KCTD1: variants seen among roughly 807,000 people sequenced by gnomAD.
KCTD1 encodes the protein BTB/POZ domain-containing protein KCTD1.
In KCTD1, 24 loss-of-function variants were observed where a neutral mutation model predicts 66.0. That is an observed-to-expected ratio of 0.36 (90% confidence interval 0.26 to 0.51). The LOEUF (loss-of-function observed/expected upper bound fraction) is 0.51, where lower values mean the gene tolerates loss of function less well. KCTD1 is among the 20% of genes least tolerant of loss of function. The pLI, the probability that KCTD1 is intolerant of heterozygous loss-of-function variation, is 0.95. For missense variants in KCTD1, 943 were observed against 1,205.2 expected (o/e 0.78, Z 3.22); for synonymous variants, 511 against 517.2 (o/e 0.99, Z 0.16).
intron 1 of KCTD1, among the ~76,000 whole-genome samples, chr18:26,622,490 A>G (rs1009102478): frequency 2.9e-4 from 44 of 152,228 alleles, no homozygotes; most frequent in Admixed American, 2.4e-3. Context: ...CCTACACCCA[A>G]CCCTGGAGTC....
intron 1 of KCTD1, among the ~76,000 whole-genome samples, chr18:26,510,768 A>G (rs1229766231): frequency 1.3e-5 from 2 of 152,260 alleles, no homozygotes; most frequent in African/African-American, 4.8e-5. Context: ...AAATACACTT[A>G]AAACACTAGA....
intron 1 of KCTD1, among the ~76,000 whole-genome samples, chr18:26,638,816 T>C (rs1291878662): frequency 1.3e-5 from 2 of 152,252 alleles, no homozygotes; most frequent in African/African-American, 4.8e-5. Context: ...TCATTTTGCA[T>C]AATATTATTG....
At chr18:26,504,987 C>T (rs1023255209) in intron 1 of KCTD1, among the ~76,000 whole-genome samples, 5 of 152,238 alleles carry the variant, frequency 3.3e-5, no homozygotes, top group Admixed American at 6.5e-5. Flanking sequence ...GCCAGGTCCT[C>T]GCTGACATTG....
At chr18:26,561,897 G>C (rs1985860286) in intron 1 of KCTD1, among the ~76,000 whole-genome samples, 2 of 152,120 alleles carry the variant, frequency 1.3e-5, no homozygotes, top group South Asian at 4.2e-4. Context: ...GAGGGCCTGG[G>C]GCTGCTCTGT....
chr18:26,653,237 T>G lies in KCTD1; in HGVS notation c.9+4123A>C, dbSNP rs117246160. On this transcript the variant is annotated intron_variant, in intron 1 of 4. Coordinates refer to the KCTD1 transcript ENST00000580191. ...CAGGTGCCTGTCCCTGCAGTCTGCATCACTGCTTCCTCCGTCTCTTACTCC... is the reference window on the plus strand; with the variant it reads ...CAGGTGCCTGTCCCTGCAGTCTGCAGCACTGCTTCCTCCGTCTCTTACTCC... Among the ~76,000 whole-genome samples, 327 of 152,364 alleles carry G rather than the reference T, an allele frequency of 2.1e-3. 2 individuals carry two copies. The highest frequency in any genetic ancestry group is 2.6e-3 in the Non-Finnish European group (180 of 68,036).
chr18:26,568,607 G>A (rs745377258), intron 1 of KCTD1, among the ~76,000 whole-genome samples: 51 of 152,080 alleles, frequency 3.4e-4, no homozygotes, highest in Non-Finnish European at 6.3e-4. Context: ...TGTGTAGACA[G>A]TCATTTATAT....
At chr18:26,581,103 T>C (rs1986343354) in intron 1 of KCTD1, 1 of 152,216 alleles carries the variant, frequency 6.6e-6, no homozygotes, top group African/African-American at 2.4e-5. Flanking sequence ...TATACAAATA[T>C]GAAAAAGAAT....
chr18:26,635,778 G>C (rs1218803673), intron 1 of KCTD1, among the ~76,000 whole-genome samples: 1 of 152,218 alleles, frequency 6.6e-6, no homozygotes, highest in Admixed American at 6.5e-5. Flanking sequence ...TGCTTGGTGA[G>C]ATCAGAAGGA....
upstream of KCTD1, chr18:26,548,616 G>A (rs1985397830): frequency 1.7e-6 from 2 of 1,172,630 alleles, no homozygotes; most frequent in Non-Finnish European, 2.1e-6. Flanking sequence ...TGTGTTTAAT[G>A]ACCTTCAGCT....
At chr18:26,557,209 T>C (rs1985727493) in intron 1 of KCTD1, among the ~76,000 whole-genome samples, 1 of 152,218 alleles carries the variant, frequency 6.6e-6, no homozygotes, top group Non-Finnish European at 1.5e-5. Context: ...TTAGTTGAAC[T>C]GTCAGAGTTT....
intron 1 of KCTD1, among the ~76,000 whole-genome samples, chr18:26,529,273 T>A (rs1169564824): frequency 6.6e-6 from 1 of 152,110 alleles, no homozygotes; most frequent in African/African-American, 2.4e-5. Flanking sequence ...CATCTCCCCC[T>A]CCACTCAAAA....
chr18:26,545,352 C>T (rs1985159912), intron 1 of KCTD1: 1 of 152,196 alleles, frequency 6.6e-6, no homozygotes, highest in Admixed American at 6.5e-5. Context: ...CTAACACAAC[C>T]TGTCAGAAAT....
At chr18:26,575,062 ACC>A (rs1177364252) in intron 1 of KCTD1, among the ~76,000 whole-genome samples, 1 of 152,076 alleles carries the variant, frequency 6.6e-6, no homozygotes, top group Non-Finnish European at 1.5e-5. Context: ...GGAGACATAA[ACC>A]CACAATTTCC....
intron 2 of KCTD1, among the ~76,000 whole-genome samples, chr18:26,489,694 G>A (rs2144645297): frequency 6.6e-6 from 1 of 152,282 alleles, no homozygotes; most frequent in Non-Finnish European, 1.5e-5. Context: ...AGAATAACTT[G>A]TACGGGATTT....
chr18:26,486,694 A>AT (rs1237062553), intron 2 of KCTD1, among the ~76,000 whole-genome samples: 7 of 152,006 alleles, frequency 4.6e-5, no homozygotes, highest in Admixed American at 2.6e-4. Flanking sequence ...GTCTCTCCCT[A>AT]TTTTTTGATT....
intron 1 of KCTD1, among the ~76,000 whole-genome samples, chr18:26,508,407 C>G (rs1346252359): frequency 6.6e-6 from 1 of 152,212 alleles, no homozygotes; most frequent in Non-Finnish European, 1.5e-5. Flanking sequence ...GCTGTTCAAA[C>G]AGGAGCCCTG....
upstream of KCTD1, among the ~76,000 whole-genome samples, chr18:26,631,789 C>T (rs557224661): frequency 3.9e-5 from 6 of 152,310 alleles, no homozygotes; most frequent in East Asian, 1.2e-3. Flanking sequence ...TGGCTCACAC[C>T]TGTAATCCCA....
intron 1 of KCTD1, among the ~76,000 whole-genome samples, chr18:26,532,245 TTTC>T (rs993013851): frequency 6.7e-6 from 1 of 148,618 alleles, no homozygotes; most frequent in Non-Finnish European, 1.5e-5. Context: ...TCTTTTTCTT[TTTC>T]TTTTCTTTCC....
intron 1 of KCTD1, among the ~76,000 whole-genome samples, chr18:26,656,364 A>T (rs1988140157): frequency 1.3e-5 from 2 of 152,094 alleles, no homozygotes; most frequent in Non-Finnish European, 2.9e-5. Flanking sequence ...AATCCGGAGC[A>T]TGTGCTGTGC....
Sources: gnomAD v4.1 joint callset for allele counts (sites outside exome capture counted in the v4.1 genomes callset) on GRCh38, gnomAD v4.1.1 for gene constraint, MANE v1.5 for transcripts, NCBI Gene and HGNC (gene_info 2026-07-23, HGNC 2026-07-21) for gene names.